The following SLC24A3 variants were observed in gnomAD, a reference collection of about 807,000 sequenced individuals.
SLC24A3 encodes solute carrier family 24 member 3.
Under a neutral mutation model 75.8 loss-of-function variants are expected in SLC24A3, and 28 were observed. That is an observed-to-expected ratio of 0.37 (90% CI 0.27 to 0.51). The LOEUF (loss-of-function observed/expected upper bound fraction) is 0.51, where lower values mean the gene tolerates loss of function less well. Among genes scored for constraint, SLC24A3 ranks in the 20% least tolerant of loss-of-function variants. The pLI, the probability that SLC24A3 is intolerant of heterozygous loss-of-function variation, is 0.94. For synonymous variants in SLC24A3, 372 were observed against 334.1 expected (o/e 1.11, Z -1.24); for missense variants, 663 against 847.8 (o/e 0.78, Z 2.71).
At chr20:19,545,716 G>A (rs1178605370) in intron 3 of SLC24A3, among the ~76,000 whole-genome samples, 1 of 152,190 alleles carries the variant, frequency 6.6e-6, no homozygotes, top group Non-Finnish European at 1.5e-5. Context: ...GCAATGACTG[G>A]TTTGGAGGCA....
At chr20:19,598,918 ACACG>A (rs2031486862) in intron 6 of SLC24A3, among the ~76,000 whole-genome samples, 2 of 151,604 alleles carry the variant, frequency 1.3e-5, no homozygotes, top group Non-Finnish European at 2.9e-5. Context: ...ACACACACAC[ACACG>A]CACACACACA....
chr20:19,714,552 T>C (rs940935914), intron 15 of SLC24A3, among the ~76,000 whole-genome samples: 1 of 151,506 alleles, frequency 6.6e-6, no homozygotes, highest in Non-Finnish European at 1.5e-5. Flanking sequence ...CACATCCTGG[T>C]GGAAGTACAA....
chr20:19,346,760 G>A (rs368946138), intron 2 of SLC24A3, among the ~76,000 whole-genome samples: 1 of 151,992 alleles, frequency 6.6e-6, no homozygotes, highest in East Asian at 1.9e-4. Context: ...CGGGTGATGG[G>A]TGCACAGAAA....
chr20:19,377,650 A>G (rs1466001599), intron 2 of SLC24A3, among the ~76,000 whole-genome samples: 1 of 152,212 alleles, frequency 6.6e-6, no homozygotes, highest in Non-Finnish European at 1.5e-5. Context: ...CTTGCATGGA[A>G]ATTATCCCTC....
intron 6 of SLC24A3, among the ~76,000 whole-genome samples, chr20:19,632,470 A>G (rs545665768): frequency 7.9e-5 from 12 of 151,304 alleles, no homozygotes; most frequent in African/African-American, 2.7e-4. Flanking sequence ...TTCCATCATC[A>G]CCTCTCTCAC....
intron 9 of SLC24A3, among the ~76,000 whole-genome samples, chr20:19,680,535 A>G (rs577230872): frequency 6.6e-6 from 1 of 152,216 alleles, no homozygotes; most frequent in African/African-American, 2.4e-5. Context: ...CAGTGTCTGC[A>G]TCCATTATTT....
intron 2 of SLC24A3, among the ~76,000 whole-genome samples, chr20:19,360,095 C>T (rs1212769030): frequency 2.0e-5 from 3 of 152,160 alleles, no homozygotes; most frequent in African/African-American, 7.2e-5. Context: ...CTGGGGAGAC[C>T]TCCAACAGTG....
intron 2 of SLC24A3, among the ~76,000 whole-genome samples, chr20:19,288,583 AGCT>A (rs1489286425): frequency 6.6e-6 from 1 of 152,198 alleles, no homozygotes; most frequent in Non-Finnish European, 1.5e-5. Flanking sequence ...CACATTCATT[AGCT>A]CATTGGAACA....
chr20:19,336,206 A>G (rs971582892), intron 2 of SLC24A3, among the ~76,000 whole-genome samples: 3 of 151,788 alleles, frequency 2.0e-5, no homozygotes, highest in Non-Finnish European at 4.4e-5. Flanking sequence ...TCGGGAAACT[A>G]CCCCCGTTTT....
At chr20:19,717,823 G>C (rs531231694) in intron 16 of SLC24A3, among the ~76,000 whole-genome samples, 4 of 152,256 alleles carry the variant, frequency 2.6e-5, no homozygotes, top group African/African-American at 9.6e-5. Flanking sequence ...ATCTTACATA[G>C]AAAGCAAACC....
At position 19,381,473 on chromosome 20, in the gene SLC24A3, A is replaced by G. The variant is rs973595241; in HGVS notation, c.271+100386A>G. 3.3e-5 allele frequency among the ~76,000 whole-genome samples: 5 copies of G among 152,298 alleles called. No individual in the cohort carries two copies. The South Asian group carries it at 8.3e-4, about 25-fold the overall frequency. On this transcript the variant is annotated intron_variant, in intron 2 of 16. Transcript: ENST00000328041. ...AAGCTCTGAATAGAGGGATTGAACT[A>G]TGCAGATGACTGGAAAGATGGAACA...
intron 2 of SLC24A3, among the ~76,000 whole-genome samples, chr20:19,390,217 A>G (rs184829652): frequency 2.0e-5 from 3 of 152,192 alleles, no homozygotes; most frequent in Admixed American, 6.5e-5. Context: ...ATAAATTTCT[A>G]TATTTTGAGG....
chr20:19,474,086 C>T (rs1001810910), intron 2 of SLC24A3, among the ~76,000 whole-genome samples: 1 of 152,220 alleles, frequency 6.6e-6, no homozygotes, highest in Admixed American at 6.5e-5. Flanking sequence ...AGGGAGCTCG[C>T]TTCATAAAGC....
intron 2 of SLC24A3, among the ~76,000 whole-genome samples, chr20:19,345,521 A>C (rs913930314): frequency 6.6e-6 from 1 of 152,204 alleles, no homozygotes; most frequent in Non-Finnish European, 1.5e-5. Flanking sequence ...TACGGTAATC[A>C]AGACAATGTG....
At chr20:19,423,842 C>T (rs1029097331) in intron 2 of SLC24A3, among the ~76,000 whole-genome samples, 2 of 152,052 alleles carry the variant, frequency 1.3e-5, no homozygotes, top group African/African-American at 2.4e-5. Flanking sequence ...CCAGGTTTGT[C>T]GGTAGTCAGC....
intron 2 of SLC24A3, among the ~76,000 whole-genome samples, chr20:19,445,485 C>A (rs913520524): frequency 1.3e-5 from 2 of 152,184 alleles, no homozygotes; most frequent in South Asian, 4.2e-4. Flanking sequence ...GTTTATTTGG[C>A]AGTGCAGAAC....
chr20:19,511,056 A>C (rs956427059), intron 2 of SLC24A3, among the ~76,000 whole-genome samples: 1 of 151,950 alleles, frequency 6.6e-6, no homozygotes, highest in Non-Finnish European at 1.5e-5. Flanking sequence ...GGAGCCCCCC[A>C]CCCTGCTGCT....
chr20:19,599,679 G>A (rs1038855258), intron 6 of SLC24A3, among the ~76,000 whole-genome samples: 1 of 152,192 alleles, frequency 6.6e-6, no homozygotes, highest in Non-Finnish European at 1.5e-5. Context: ...GAATTTAGCA[G>A]GGATTGAAAT....
At chr20:19,426,133 C>G (rs1987001856) in intron 2 of SLC24A3, among the ~76,000 whole-genome samples, 2 of 152,176 alleles carry the variant, frequency 1.3e-5, no homozygotes, top group Admixed American at 6.5e-5. Flanking sequence ...TAGTTTATGC[C>G]AATAACACCA....
Sources: allele counts gnomAD v4.1 joint callset (sites outside exome capture counted in the v4.1 genomes callset), GRCh38; gene constraint gnomAD v4.1.1; transcripts MANE v1.5; gene names NCBI Gene and HGNC (gene_info 2026-07-23, HGNC 2026-07-21).